GABRG3: variants seen among roughly 807,000 people sequenced by gnomAD.
GABRG3 encodes gamma-aminobutyric acid receptor subunit gamma-3.
Under a neutral mutation model 48.8 loss-of-function variants are expected in GABRG3, and 25 were observed. The ratio of observed to expected loss-of-function variants is 0.51; its 90% confidence interval spans 0.37 to 0.72. The LOEUF is 0.72. Ranked by LOEUF, GABRG3 falls within the 30% of genes least tolerant of loss-of-function variation. GABRG3 has a pLI of 0.00. For synonymous variants in GABRG3, 227 were observed against 217.6 expected (o/e 1.04, Z -0.38); for missense variants, 394 against 577.9 (o/e 0.68, Z 3.26).
At chr15:27,203,642 A>G (rs1888760533) in intron 3 of GABRG3, among the ~76,000 whole-genome samples, 1 of 152,120 alleles carries the variant, frequency 6.6e-6, no homozygotes, top group South Asian at 2.1e-4. Flanking sequence ...TGTCTGAACT[A>G]ATTTACATTC....
At chr15:27,162,137 T>A (rs1192129159) in intron 3 of GABRG3, among the ~76,000 whole-genome samples, 1 of 152,152 alleles carries the variant, frequency 6.6e-6, no homozygotes, top group South Asian at 2.1e-4. Flanking sequence ...TATCTGGGGA[T>A]GCTTAGGAAA....
chr15:27,501,015 G>A (rs1006940001), intron 6 of GABRG3, among the ~76,000 whole-genome samples: 7 of 148,476 alleles, frequency 4.7e-5, no homozygotes, highest in African/African-American at 7.5e-5. Flanking sequence ...GCAGTGGCGC[G>A]ATCTCGGCTC....
chr15:27,390,305 C>A (rs548060439), intron 5 of GABRG3, among the ~76,000 whole-genome samples: 1 of 152,252 alleles, frequency 6.6e-6, no homozygotes, highest in South Asian at 2.1e-4. Context: ...ACCAGAAATA[C>A]GTGGTAAACT....
At chr15:27,366,174 G>A (rs144700473) in intron 5 of GABRG3, 2 of 152,190 alleles carry the variant, frequency 1.3e-5, no homozygotes, top group Non-Finnish European at 2.9e-5. Flanking sequence ...ATGAGACACC[G>A]ATTGCTCTTC....
intron 5 of GABRG3, among the ~76,000 whole-genome samples, chr15:27,396,660 T>TCA (rs1555377403): frequency 6.6e-6 from 1 of 152,190 alleles, no homozygotes; most frequent in Non-Finnish European, 1.5e-5. Context: ...AACTCATGTC[T>TCA]CACACACACA....
chr15:27,522,542 T>C (rs1374932752), intron 7 of GABRG3, among the ~76,000 whole-genome samples: 1 of 151,738 alleles, frequency 6.6e-6, no homozygotes, highest in Non-Finnish European at 1.5e-5. Context: ...AAGCCATAAA[T>C]AGCAATGAGG....
chr15:27,477,127 AC>A (rs1423610197), intron 5 of GABRG3, among the ~76,000 whole-genome samples: 1 of 152,202 alleles, frequency 6.6e-6, no homozygotes, highest in Non-Finnish European at 1.5e-5. Context: ...AAAAACTTGC[AC>A]CTGTATGTTT....
intron 3 of GABRG3, among the ~76,000 whole-genome samples, chr15:27,159,554 T>G (rs545073483): frequency 2.0e-5 from 3 of 152,192 alleles, no homozygotes; most frequent in African/African-American, 7.2e-5. Flanking sequence ...AGGGATTTCT[T>G]CTCTTATTTT....
rs947190710 is a variant in GABRG3, at chr15:27,539,071, C to T, written c.*6190C>T. On this transcript the variant is annotated 3_prime_UTR_variant, in exon 10 of 10. Coordinates refer to ENST00000615808, the MANE Select transcript of GABRG3 (RefSeq NM_033223.5). ...TACATAGCAATGTGTAAAATAGACT[C>T]CCAAATCTCCTTTGGGAAAGGAACC... The T allele has an allele frequency of 6.6e-6, 1 of 152,116 alleles. No homozygotes were observed. The highest frequency in any genetic ancestry group is 1.5e-5 in the Non-Finnish European group (1 of 68,030). The allele number at this position is 152,116 out of a possible 1,614,324, so 9.4% of individuals were successfully genotyped here.
chr15:27,493,639 G>T (rs1282688734), intron 6 of GABRG3, among the ~76,000 whole-genome samples: 1 of 152,132 alleles, frequency 6.6e-6, no homozygotes, highest in African/African-American at 2.4e-5. Context: ...TTCAGAGATA[G>T]AAATATATTA....
chr15:27,305,485 GTTT>G (rs1223892877), intron 3 of GABRG3, among the ~76,000 whole-genome samples: 1 of 146,252 alleles, frequency 6.8e-6, no homozygotes, highest in East Asian at 2.0e-4. Context: ...TGGTCTGTGT[GTTT>G]TTTATATATA....
At chr15:27,384,537 A>C (rs143820859) in intron 5 of GABRG3, among the ~76,000 whole-genome samples, 1 of 152,238 alleles carries the variant, frequency 6.6e-6, no homozygotes. Flanking sequence ...GTTGGAGTCA[A>C]TTTAATTGAC....
intron 3 of GABRG3, among the ~76,000 whole-genome samples, chr15:27,162,749 G>A (rs1887237969): frequency 6.6e-6 from 1 of 152,154 alleles, no homozygotes; most frequent in Admixed American, 6.5e-5. Context: ...ATGAGCTGAA[G>A]AAACATTGGC....
chr15:27,388,098 G>GGGA (rs1431356196), intron 5 of GABRG3, among the ~76,000 whole-genome samples: 2 of 51,494 alleles, frequency 3.9e-5, no homozygotes, highest in Non-Finnish European at 7.6e-5. Flanking sequence ...AGGGAGGAAA[G>GGGA]GGAGGGAGGG....
At position 27,145,603 on chromosome 15, in the gene GABRG3, C is replaced by CTCTATCTATCTATCTATCATCTA. The variant is rs1555405975; in HGVS notation, c.270+118800_270+118801insATCTATCTATCTATCTATCTATC. ...ACTAGGCATATATACATATATCTATCTCTATCTATCTATCTATCTATCTAT... is the reference window on the plus strand; with the variant it reads ...ACTAGGCATATATACATATATCTATCTCTATCTATCTATCTATCATCTATCTATCTATCTATCTATCTATCTAT... On this transcript the variant is annotated intron_variant, in intron 3 of 9. Coordinates refer to ENST00000615808, the MANE Select transcript of GABRG3 (RefSeq NM_033223.5). Among the ~76,000 whole-genome samples, 82 of 102,388 alleles carry CTCTATCTATCTATCTATCATCTA rather than the reference C, an allele frequency of 8.0e-4. 2 individuals are homozygous for CTCTATCTATCTATCTATCATCTA. Among genetic ancestry groups the CTCTATCTATCTATCTATCATCTA allele is most frequent in the Non-Finnish European group, 1.1e-3 (49 of 45,826 alleles). 67.2% of individuals were successfully genotyped at this position (102,388 alleles called of 152,430 possible). A position where few individuals can be genotyped will look rare whatever the true frequency, so the allele number is the denominator to read the frequency against.
chr15:26,992,606 G>T (rs546893050), intron 2 of GABRG3, among the ~76,000 whole-genome samples: 1 of 152,174 alleles, frequency 6.6e-6, no homozygotes, highest in South Asian at 2.1e-4. Context: ...ATTCATTGTT[G>T]AATTCTGTTT....
chr15:27,449,705 T>C (rs769170651), intron 5 of GABRG3, among the ~76,000 whole-genome samples: 3 of 152,344 alleles, frequency 2.0e-5, no homozygotes, highest in Non-Finnish European at 2.9e-5. Context: ...TATCCACATG[T>C]ACTAGGGTGT....
chr15:27,403,442 A>C (rs1467886923), intron 5 of GABRG3, among the ~76,000 whole-genome samples: 1 of 152,214 alleles, frequency 6.6e-6, no homozygotes, highest in Non-Finnish European at 1.5e-5. Flanking sequence ...CATGGTGAAT[A>C]AGAATGTGAT....
chr15:27,071,206 C>CA (rs1308173056), intron 3 of GABRG3, among the ~76,000 whole-genome samples: 6 of 152,140 alleles, frequency 3.9e-5, no homozygotes, highest in Non-Finnish European at 5.9e-5. Flanking sequence ...CATTTTGACC[C>CA]TTTGGGGCCA....
Sources: allele counts gnomAD v4.1 joint callset (sites outside exome capture counted in the v4.1 genomes callset), GRCh38; gene constraint gnomAD v4.1.1; transcripts MANE v1.5; gene names NCBI Gene and HGNC (gene_info 2026-07-23, HGNC 2026-07-21).